Variants in HIPK1 observed in about 807,000 individuals in gnomAD.
The protein encoded by HIPK1 is homeodomain-interacting protein kinase 1.
In HIPK1, 28 loss-of-function variants were observed where a neutral mutation model predicts 117.1. That is an observed-to-expected ratio of 0.24 (90% CI 0.18 to 0.33). The LOEUF (loss-of-function observed/expected upper bound fraction) is 0.33, where lower values mean the gene tolerates loss of function less well. Among genes scored for constraint, HIPK1 ranks in the 10% least tolerant of loss-of-function variants. HIPK1 has a pLI of 1.00. For synonymous variants in HIPK1, 605 were observed against 562.5 expected, an observed-to-expected ratio of 1.08 and a Z score of -1.07; for missense variants, 1,122 against 1,475.1, an observed-to-expected ratio of 0.76 and a Z score of 3.92.
rs900229129 is a variant in HIPK1 at position 113,974,262 on chromosome 1, G to C, written c.*750G>C. On this transcript the variant is annotated 3_prime_UTR_variant, in exon 16 of 16. Transcript: ENST00000426820. The stretch of plus-strand genomic sequence containing the variant: ...TTAATGTGAGAGAATCCATATCTGC[G>C]TGAAAACACCAAGTATTCTTTTTAA... The C allele has an allele frequency of 6.5e-6, 1 of 152,786 alleles. No homozygotes were observed. Among genetic ancestry groups the C allele is most frequent in the East Asian group, 1.9e-4 (1 of 5,334 alleles). The allele number at this position is 152,786 out of a possible 1,614,324, so 9.5% of individuals were successfully genotyped here.
rs1671463565 is a variant in HIPK1, at chr1:113,952,949, G to A, written c.1200+60G>A. 7.2e-6 allele frequency: 10 copies of A among 1,390,638 alleles called. No homozygotes were observed. In the South Asian group the frequency reaches 7.4e-5, roughly 10 times the overall value. The allele number at this position is 1,390,638 out of a possible 1,614,324, so 86.1% of individuals were successfully genotyped here. On this transcript the variant is annotated intron_variant, in intron 3 of 15. Transcript: ENST00000426820. ...AATAGTTACTTGTGAATTAGATTCT[G>A]GAGAAAGAGAAGTACTAAGTACTAC...
In HIPK1 at chr1:113,957,033, A is replaced by G. The variant is rs563022827; in HGVS notation, c.1593-91A>G. On this transcript the variant is annotated intron_variant, in intron 6 of 15. Transcript: ENST00000426820. ...TTTATTTTATCTGAAAGTGATTGGGAAAAAAAGCTTTGATCCATGTTCATC... is the reference window on the plus strand; with the variant it reads ...TTTATTTTATCTGAAAGTGATTGGGGAAAAAAGCTTTGATCCATGTTCATC... 2.7e-6 allele frequency: 3 copies of G among 1,117,390 alleles called. No homozygotes were observed. In the South Asian group the frequency reaches 4.6e-5, roughly 17 times the overall value. 69.2% of individuals were successfully genotyped at this position (1,117,390 alleles called of 1,614,324 possible). A position where few individuals can be genotyped will look rare whatever the true frequency, so the allele number is the denominator to read the frequency against.
At chr1:113,950,245 T>C (rs1671260536) in intron 2 of HIPK1, among the ~76,000 whole-genome samples, 1 of 152,144 alleles carries the variant, frequency 6.6e-6, no homozygotes, top group African/African-American at 2.4e-5. Context: ...AAAACAACAA[T>C]AAGCACATAT....
intron 12 of HIPK1, among the ~76,000 whole-genome samples, 184 bp downstream of exon 12, chr1:113,968,132 C>G (rs1156940015): frequency 6.6e-6 from 1 of 152,162 alleles, no homozygotes; most frequent in East Asian, 1.9e-4. Context: ...TATGATGGTC[C>G]TTTGTCTCTG....
chr1:113,962,817 C>G (rs1335706120), intron 9 of HIPK1, among the ~76,000 whole-genome samples: 2 of 152,058 alleles, frequency 1.3e-5, no homozygotes, highest in East Asian at 1.9e-4. Flanking sequence ...CTTTTGCACC[C>G]TTTGTGTCCC....
At chr1:113,930,382 G>A (rs1474749484) in intron 1 of HIPK1, 1 of 152,472 alleles carries the variant, frequency 6.6e-6, no homozygotes, top group Non-Finnish European at 1.5e-5. Flanking sequence ...GCCGTGCCTG[G>A]AGAGGACGAC....
At position 113,957,115 on chromosome 1, in the gene HIPK1, C is replaced by T; in HGVS notation, c.1593-9C>T. 2.5e-6 allele frequency: 4 copies of T among 1,606,778 alleles called. No individual in the cohort carries two copies. The highest frequency in any genetic ancestry group is 3.4e-6 in the Non-Finnish European group (4 of 1,174,016). On this transcript the variant is annotated splice_polypyrimidine_tract_variant and intron_variant, in intron 6 of 15. Coordinates refer to ENST00000426820, the MANE Select transcript of HIPK1 (RefSeq NM_198268.3). ...CATTCATTTAATGAATCTTTAATCTCCTTTTCAGTGTTAAGTCTTGTTTTC... is the reference window on the plus strand; with the variant it reads ...CATTCATTTAATGAATCTTTAATCTTCTTTTCAGTGTTAAGTCTTGTTTTC...
Position 113,957,234 on chromosome 1 carries a change from G to A in HIPK1, c.1703G>A (p.Ser568Asn). 1 of 1,613,868 alleles carries A rather than the reference G, an allele frequency of 6.2e-7. No individual in the cohort carries two copies. Among genetic ancestry groups the A allele is most frequent in the Non-Finnish European group, 8.5e-7 (1 of 1,179,814 alleles). Residue 568 changes from serine to asparagine, a missense_variant, in exon 7 of 16, where the codon AGC becomes AAC. By Grantham distance (46) the Ser-to-Asn change is conservative. Around this residue, in one of 6 missense-constraint regions of HIPK1, gnomAD observed 731 missense variants for 860.4 expected, o/e 0.85. Coordinates refer to ENST00000426820, the MANE Select transcript of HIPK1 (RefSeq NM_198268.3). The stretch of plus-strand genomic sequence containing the variant: ...ACTACACATGTTGCCCCAAATACAA[G>A]CACAAATCTAACCATGAGCTTCAGC... ...PFTTHVAPNT[S>N]TNLTMSFSNQ...
rs1389341593 is a variant in HIPK1 at position 113,976,401 on chromosome 1, TTTTTC to T, written c.*2891_*2895del. Reference sequence around the variant, plus strand: ...AGGACAAATTTTTTGTTCCTTGTCTTTTTTCTGTAAGGGACAAGATTTGTTGTTTT... The same window carrying T: ...AGGACAAATTTTTTGTTCCTTGTCTTTGTAAGGGACAAGATTTGTTGTTTT... On this transcript the variant is annotated 3_prime_UTR_variant, in exon 16 of 16. Transcript: ENST00000426820. The T allele has an allele frequency of 1.3e-5, 2 of 152,452 alleles. No individual in the cohort carries two copies. Among genetic ancestry groups the T allele is most frequent in the Non-Finnish European group, 2.9e-5 (2 of 68,036 alleles). The allele number at this position is 152,452 out of a possible 1,614,324, so 9.4% of individuals were successfully genotyped here. A position where few individuals can be genotyped will look rare whatever the true frequency, so the allele number is the denominator to read the frequency against.
chr1:113,932,825 A>G (rs1047268064), intron 1 of HIPK1, among the ~76,000 whole-genome samples: 1 of 151,882 alleles, frequency 6.6e-6, no homozygotes. Flanking sequence ...TTATTTTTCC[A>G]CATCCTTTGG....
At chr1:113,948,876 C>G (rs776009033) in intron 2 of HIPK1, among the ~76,000 whole-genome samples, 2 of 151,986 alleles carry the variant, frequency 1.3e-5, no homozygotes, top group Non-Finnish European at 2.9e-5. Flanking sequence ...TTCGCTCTTA[C>G]GCCCAGTCTG....
intron 3 of HIPK1, 31 bp downstream of exon 3, chr1:113,952,920 T>A: frequency 6.9e-7 from 1 of 1,441,792 alleles, no homozygotes; most frequent in Non-Finnish European, 9.2e-7. Context: ...GGAAATAGAA[T>A]GCAAATAGTT....
intron 1 of HIPK1, chr1:113,929,937 G>A (rs1021295735): frequency 4.1e-6 from 4 of 985,486 alleles, no homozygotes; most frequent in Non-Finnish European, 4.8e-6. Context: ...AGACACACCG[G>A]CGGTGAGTGG....
Position 113,962,406 on chromosome 1 carries a change from C to A in HIPK1, c.2071C>A (p.Pro691Thr). The change falls in exon 9 of 16, where the codon CCA becomes ACA. Residue 691 changes from proline (P) to threonine (T), a missense_variant. Physicochemically the swap from Pro to Thr is conservative, Grantham distance 38. Around this residue, in one of 6 missense-constraint regions of HIPK1, gnomAD observed 731 missense variants for 860.4 expected, o/e 0.85. Coordinates refer to ENST00000426820, the MANE Select transcript of HIPK1 (RefSeq NM_198268.3). ...PIVPQAPAAQ[P>T]LQIQSGVLTQ... is the part of the protein sequence containing the mutation. Reference sequence around the variant, plus strand: ...TGTACCCCAGGCACCAGCTGCTCAGCCACTACAGATTCAGTCAGGAGTTCT... The same window carrying A: ...TGTACCCCAGGCACCAGCTGCTCAGACACTACAGATTCAGTCAGGAGTTCT... The A allele has an allele frequency of 6.2e-7, 1 of 1,613,884 alleles. No homozygotes were observed. Among genetic ancestry groups the A allele is most frequent in the Non-Finnish European group, 8.5e-7 (1 of 1,179,852 alleles).
intron 2 of HIPK1, among the ~76,000 whole-genome samples, chr1:113,949,622 A>C (rs1175780498): frequency 7.0e-6 from 1 of 141,942 alleles, no homozygotes; most frequent in African/African-American, 2.7e-5. Flanking sequence ...TTTTTGAGAC[A>C]GAGTCTTACT....
rs1558137580 is a variant in HIPK1, at chr1:113,954,704, C to T, written c.1254C>T (p.Ala418=). 2.5e-6 allele frequency: 4 copies of T among 1,613,738 alleles called. No individual in the cohort carries two copies. Among genetic ancestry groups the T allele is most frequent in the Non-Finnish European group, 3.4e-6 (4 of 1,179,690 alleles). The change falls in exon 4 of 16, where the codon GCC becomes GCT. Residue 418 remains alanine (A), a synonymous_variant. Transcript: ENST00000426820. Reference sequence around the variant, plus strand: ...TGCCAGCTGAATATCTTCTCAGTGCCGGAACAAAAACAACCAGGTTTTTCA... The same window carrying T: ...TGCCAGCTGAATATCTTCTCAGTGCTGGAACAAAAACAACCAGGTTTTTCA... ...QGLPAEYLLS[A]GTKTTRFFNR...
Position 113,967,757 on chromosome 1 carries a change from T to G in HIPK1, c.2382-9T>G. Reference sequence around the variant, plus strand: ...GAATTCACTCTTCTCTTTCTTTCTGTTGGTACAGGAATGCCCACTCTCATG... The same window carrying G: ...GAATTCACTCTTCTCTTTCTTTCTGGTGGTACAGGAATGCCCACTCTCATG... On this transcript the variant is annotated splice_polypyrimidine_tract_variant and intron_variant, in intron 11 of 15. Coordinates refer to ENST00000426820, the MANE Select transcript of HIPK1 (RefSeq NM_198268.3). 9.5e-6 allele frequency: 14 copies of G among 1,481,444 alleles called. No homozygotes were observed. The highest frequency in any genetic ancestry group is 1.2e-5 in the Non-Finnish European group (13 of 1,115,914). The allele number at this position is 1,481,444 out of a possible 1,614,324, so 91.8% of individuals were successfully genotyped here.
intron 1 of HIPK1, among the ~76,000 whole-genome samples, chr1:113,934,078 A>T (rs1670091510): frequency 6.6e-6 from 1 of 152,230 alleles, no homozygotes; most frequent in African/African-American, 2.4e-5. Flanking sequence ...TGTGATAGAC[A>T]ATATGTATAC....
At chr1:113,939,880 C>T (rs982969922) in intron 1 of HIPK1, among the ~76,000 whole-genome samples, 2 of 151,510 alleles carry the variant, frequency 1.3e-5, no homozygotes, top group African/African-American at 4.9e-5. Flanking sequence ...TTCTTACATC[C>T]TTTCCTCATA....
Sources: allele counts gnomAD v4.1 joint callset (sites outside exome capture counted in the v4.1 genomes callset), GRCh38; gene constraint gnomAD v4.1.1; regional missense constraint gnomAD v4.1.1; transcripts MANE v1.5; gene names NCBI Gene and HGNC (gene_info 2026-07-23, HGNC 2026-07-21).